Variants in THEMIS observed in about 807,000 individuals in gnomAD.
THEMIS encodes the protein protein THEMIS.
Under a neutral mutation model 52.6 loss-of-function variants are expected in THEMIS, and 37 were observed. The observed-to-expected ratio is 0.70, with a 90% CI of 0.54 to 0.93. THEMIS has a LOEUF of 0.93. Among genes scored for constraint, THEMIS ranks in the 40% least tolerant of loss-of-function variants. The pLI is 0.00. For synonymous variants in THEMIS, 292 were observed against 272.7 expected (o/e 1.07, Z -0.70); for missense variants, 808 against 763.1 (o/e 1.06, Z -0.69).
At position 127,873,806 on chromosome 6, in the gene THEMIS, T is replaced by G. The variant is rs187742364; in HGVS notation, c.92-18618A>C. On this transcript the variant is annotated intron_variant, in intron 1 of 5. Coordinates refer to ENST00000368248, the MANE Select transcript of THEMIS (RefSeq NM_001010923.3). Reference sequence around the variant, plus strand: ...TGTATTACATACCGTATTTTTACAATAAAATAAGCTAGCGAAAAGAAAATG... The same window carrying G: ...TGTATTACATACCGTATTTTTACAAGAAAATAAGCTAGCGAAAAGAAAATG... Among the ~76,000 whole-genome samples the G allele has an allele frequency of 1.5e-4, 23 of 152,274 alleles. 1 individual carries two copies. In the East Asian group the frequency reaches 3.9e-3, roughly 26 times the overall value.
chr6:127,836,830 GC>G (rs1191506728), intron 2 of THEMIS, among the ~76,000 whole-genome samples: 20 of 152,054 alleles, frequency 1.3e-4, no homozygotes, highest in Non-Finnish European at 2.9e-4. Flanking sequence ...GAGCTTACTG[GC>G]CCCTGACGGT....
upstream of THEMIS, among the ~76,000 whole-genome samples, chr6:127,905,046 A>G (rs1021608050): frequency 1.7e-4 from 26 of 152,004 alleles, no homozygotes; most frequent in African/African-American, 6.0e-4. Flanking sequence ...CTGAGTCCCA[A>G]CGTGAGAGGA....
chr6:127,835,746 A>G (rs968342630), intron 2 of THEMIS, among the ~76,000 whole-genome samples: 2 of 152,184 alleles, frequency 1.3e-5, no homozygotes, highest in African/African-American at 4.8e-5. Context: ...CAGATTGAGC[A>G]AAAATTTCCA....
rs1003784121 is a variant in THEMIS at position 127,868,430 on chromosome 6, G to T, written c.92-13242C>A. The T allele has an allele frequency of 5.1e-6, 5 of 985,130 alleles. No homozygotes were observed. In the African/African-American group the frequency reaches 8.7e-5, roughly 17 times the overall value. The allele number at this position is 985,130 out of a possible 1,614,324, so 61.0% of individuals were successfully genotyped here. A position where few individuals can be genotyped will look rare whatever the true frequency, so the allele number is the denominator to read the frequency against. On this transcript the variant is annotated intron_variant, in intron 1 of 5. Transcript: ENST00000368248. ...AAAAGAAAAAAGGAATGGAGAAGATGGACTTAGATTGGGGATAAAGACACC... is the reference window on the plus strand; with the variant it reads ...AAAAGAAAAAAGGAATGGAGAAGATTGACTTAGATTGGGGATAAAGACACC...
chr6:127,894,810 G>A (rs558499720), intron 1 of THEMIS, among the ~76,000 whole-genome samples: 8 of 151,184 alleles, frequency 5.3e-5, no homozygotes, highest in Non-Finnish European at 1.0e-4. Flanking sequence ...AACAGAAATA[G>A]CAAAATTTAT....
At chr6:127,906,128 A>G (rs1467526705) in intron 1 of THEMIS, among the ~76,000 whole-genome samples, 1 of 151,432 alleles carries the variant, frequency 6.6e-6, no homozygotes, top group Non-Finnish European at 1.5e-5. Context: ...ACTTAAAAAT[A>G]TACAATTTAG....
chr6:127,841,846 A>C (rs888228673), intron 2 of THEMIS, among the ~76,000 whole-genome samples: 1 of 152,064 alleles, frequency 6.6e-6, no homozygotes, highest in African/African-American at 2.4e-5. Context: ...CAAAGAAAAG[A>C]TGTTGTAAGG....
chr6:127,865,580 A>G (rs1410467712), intron 1 of THEMIS, among the ~76,000 whole-genome samples: 1 of 152,184 alleles, frequency 6.6e-6, no homozygotes, highest in African/African-American at 2.4e-5. Flanking sequence ...CTACAGAGGT[A>G]TACAGCTTAT....
At chr6:127,789,687 C>T (rs193175686) in intron 4 of THEMIS, among the ~76,000 whole-genome samples, 4 of 152,112 alleles carry the variant, frequency 2.6e-5, no homozygotes, top group South Asian at 2.1e-4. Flanking sequence ...ACCATCAAGT[C>T]GGCTTCATCC....
rs559604037 is a variant in THEMIS, at chr6:127,848,220, C to G, written c.250+6810G>C. 4.0e-5 allele frequency among the ~76,000 whole-genome samples: 6 copies of G among 151,718 alleles called. No individual in the cohort carries two copies. In the East Asian group the frequency reaches 1.2e-3, roughly 30 times the overall value. On this transcript the variant is annotated intron_variant, in intron 2 of 5. Coordinates refer to ENST00000368248, the MANE Select transcript of THEMIS (RefSeq NM_001010923.3). ...ATAGTTTGCTGAGAATGATGGTTTCCAGCTTCATCCATGTCCCTACAAAGG... is the reference window on the plus strand; with the variant it reads ...ATAGTTTGCTGAGAATGATGGTTTCGAGCTTCATCCATGTCCCTACAAAGG...
At chr6:127,741,863 A>G (rs1280753524) in intron 4 of THEMIS, among the ~76,000 whole-genome samples, 1 of 152,224 alleles carries the variant, frequency 6.6e-6, no homozygotes, top group Non-Finnish European at 1.5e-5. Context: ...CAGTAGCGAA[A>G]ATGATAAAAG....
intron 4 of THEMIS, among the ~76,000 whole-genome samples, chr6:127,811,684 G>C (rs1168556599): frequency 6.6e-6 from 1 of 152,050 alleles, no homozygotes; most frequent in South Asian, 2.1e-4. Flanking sequence ...AAAACACAAA[G>C]AAGACATTTC....
chr6:127,773,224 A>G (rs1776446028), intron 4 of THEMIS, among the ~76,000 whole-genome samples: 1 of 152,200 alleles, frequency 6.6e-6, no homozygotes, highest in Non-Finnish European at 1.5e-5. Flanking sequence ...AATTAAACTG[A>G]TATGGAAGCA....
chr6:127,732,326 A>G (rs1326377047), intron 4 of THEMIS, among the ~76,000 whole-genome samples: 1 of 151,946 alleles, frequency 6.6e-6, no homozygotes, highest in Non-Finnish European at 1.5e-5. Context: ...TTTTCCTCCT[A>G]ATACCAGAAG....
chr6:127,827,612 A>G (rs1015843199), intron 3 of THEMIS, among the ~76,000 whole-genome samples: 4 of 152,230 alleles, frequency 2.6e-5, no homozygotes, highest in African/African-American at 4.8e-5. Flanking sequence ...GATTACATTC[A>G]ATAGACTGCA....
At chr6:127,841,160 T>C (rs565415400) in intron 2 of THEMIS, among the ~76,000 whole-genome samples, 1 of 152,112 alleles carries the variant, frequency 6.6e-6, no homozygotes, top group South Asian at 2.1e-4. Flanking sequence ...CACTCTAGTG[T>C]TGTACATTGA....
intron 3 of THEMIS, among the ~76,000 whole-genome samples, chr6:127,818,095 C>T (rs1203260270): frequency 6.6e-6 from 1 of 152,154 alleles, no homozygotes. Context: ...CAAGCCACCT[C>T]TAATATTCTA....
At chr6:127,753,277 A>C (rs1165544297) in intron 4 of THEMIS, among the ~76,000 whole-genome samples, 2 of 152,040 alleles carry the variant, frequency 1.3e-5, no homozygotes, top group Non-Finnish European at 2.9e-5. Flanking sequence ...ACTCCATTAA[A>C]ACACTGTTAG....
chr6:127,817,855 T>C (rs1460059724), intron 3 of THEMIS, among the ~76,000 whole-genome samples: 1 of 152,184 alleles, frequency 6.6e-6, no homozygotes, highest in Non-Finnish European at 1.5e-5. Context: ...CCTCCCACAC[T>C]TTTCTGAGTC....
Sources: allele counts gnomAD v4.1 joint callset (sites outside exome capture counted in the v4.1 genomes callset), GRCh38; gene constraint gnomAD v4.1.1; transcripts MANE v1.5; gene names NCBI Gene and HGNC (gene_info 2026-07-23, HGNC 2026-07-21).